CCT6B: variants seen among roughly 807,000 people sequenced by gnomAD.
CCT6B encodes chaperonin containing TCP1 subunit 6B.
CCT6B carries 49 observed loss-of-function variants against 61.5 expected under a neutral mutation model. The ratio of observed to expected loss-of-function variants is 0.80; its 90% CI spans 0.63 to 1.01. CCT6B has a LOEUF of 1.01. Among genes scored for constraint, CCT6B ranks in the 50% least tolerant of loss-of-function variants. CCT6B has a pLI of 0.00. For synonymous variants in CCT6B, 228 were observed against 214.5 expected, an observed-to-expected ratio of 1.06 and a Z score of -0.55; for missense variants, 666 against 634.7, an observed-to-expected ratio of 1.05 and a Z score of -0.53.
At chr17:34,938,970 G>C (rs769969151) in intron 10 of CCT6B, among the ~76,000 whole-genome samples, 1 of 152,090 alleles carries the variant, frequency 6.6e-6, no homozygotes, top group African/African-American at 2.4e-5. Context: ...TGTAATCCCA[G>C]CTACTTGGGA....
chr17:34,948,700 G>A (rs1338850555), intron 5 of CCT6B, among the ~76,000 whole-genome samples: 1 of 144,468 alleles, frequency 6.9e-6, no homozygotes, highest in Non-Finnish European at 1.5e-5. Flanking sequence ...GGTAACAAGA[G>A]TGAAACTCCA....
At position 34,939,337 on chromosome 17, in the gene CCT6B, G is replaced by T. The variant is rs2142148422; in HGVS notation, c.1066-7C>A. The T allele has an allele frequency of 6.2e-7, 1 of 1,603,382 alleles. No individual in the cohort carries two copies. The highest frequency in any genetic ancestry group is 8.5e-7 in the Non-Finnish European group (1 of 1,174,184). On this transcript the variant is annotated splice_polypyrimidine_tract_variant and splice_region_variant and intron_variant, in intron 9 of 13. Transcript: ENST00000314144. ...AAGTGAACTTTTCTTCACCCTAAAG[G>T]GTGGCACAAAAATATATAACTTTAA...
intron 12 of CCT6B, among the ~76,000 whole-genome samples, chr17:34,929,601 C>T (rs1398915736): frequency 6.6e-6 from 1 of 151,324 alleles, no homozygotes; most frequent in African/African-American, 2.4e-5. Flanking sequence ...GCAACCTCCA[C>T]CTCCTGGGTT....
intron 12 of CCT6B, among the ~76,000 whole-genome samples, chr17:34,930,164 C>G (rs2090020106): frequency 6.6e-6 from 1 of 152,164 alleles, no homozygotes; most frequent in Non-Finnish European, 1.5e-5. Context: ...CCCAGCTACT[C>G]CGGAGGCTGA....
intron 10 of CCT6B, among the ~76,000 whole-genome samples, chr17:34,938,951 G>A (rs2090126787): frequency 6.6e-6 from 1 of 152,068 alleles, no homozygotes; most frequent in Non-Finnish European, 1.5e-5. Context: ...AAGTGTGGTG[G>A]TGTGTGCCTG....
intron 3 of CCT6B, among the ~76,000 whole-genome samples, chr17:34,956,263 T>C (rs1375815313): frequency 6.6e-6 from 1 of 152,212 alleles, no homozygotes; most frequent in Non-Finnish European, 1.5e-5. Context: ...ACCATGTTGC[T>C]TGTCTTCTCT....
intron 5 of CCT6B, chr17:34,944,155 C>T (rs2090197930): frequency 6.6e-6 from 1 of 152,204 alleles, no homozygotes; most frequent in Non-Finnish European, 1.5e-5. Flanking sequence ...ATTCCTCACT[C>T]TTCAAGCCTC....
intron 4 of CCT6B, among the ~76,000 whole-genome samples, chr17:34,953,936 A>G (rs1482978616): frequency 6.6e-6 from 1 of 152,186 alleles, no homozygotes; most frequent in African/African-American, 2.4e-5. Context: ...CCTGAGTGAC[A>G]GAGTAAGACT....
Position 34,947,800 on chromosome 17 carries a change from G to A in CCT6B, c.614+4150C>T, listed in dbSNP as rs140380751. On this transcript the variant is annotated intron_variant, in intron 5 of 13. Transcript: ENST00000314144. ...AGTTCAAAACCAGCCTGGCCAACAT[G>A]GTGAAACCACGTCTCTACTAAAATA... Among the ~76,000 whole-genome samples the A allele has an allele frequency of 3.9e-5, 6 of 152,036 alleles. No individual in the cohort carries two copies. The East Asian group carries it at 1.2e-3, about 29-fold the overall frequency.
At chr17:34,928,329 A>T in intron 13 of CCT6B, among the ~76,000 whole-genome samples, 1 of 151,792 alleles carries the variant, frequency 6.6e-6, no homozygotes, top group Admixed American at 6.6e-5. Context: ...CTGAAGTGCA[A>T]TGGCAAGACC....
chr17:34,946,588 T>A (rs1169173549), intron 5 of CCT6B, among the ~76,000 whole-genome samples: 2 of 152,142 alleles, frequency 1.3e-5, no homozygotes, highest in Non-Finnish European at 2.9e-5. Context: ...AATCCATATG[T>A]CTAATAAAAG....
chr17:34,929,716 G>A (rs1463741919), intron 12 of CCT6B, among the ~76,000 whole-genome samples: 1 of 151,788 alleles, frequency 6.6e-6, no homozygotes, highest in African/African-American at 2.4e-5. Flanking sequence ...GTTTCACCAT[G>A]TTGGCCAGGC....
chr17:34,945,517 A>G (rs1233271567), intron 5 of CCT6B, among the ~76,000 whole-genome samples: 1 of 152,170 alleles, frequency 6.6e-6, no homozygotes, highest in Non-Finnish European at 1.5e-5. Context: ...CCTATGTTGA[A>G]CCCTCAACAA....
intron 11 of CCT6B, among the ~76,000 whole-genome samples, chr17:34,931,414 A>G (rs2090034222): frequency 6.6e-6 from 1 of 152,160 alleles, no homozygotes; most frequent in South Asian, 2.1e-4. Flanking sequence ...CGCTAGCCAC[A>G]TGCCCTCCAG....
intron 7 of CCT6B, among the ~76,000 whole-genome samples, 186 bp downstream of exon 7, chr17:34,942,298 T>A (rs1413961178): frequency 1.3e-5 from 2 of 152,142 alleles, no homozygotes. Flanking sequence ...GTTTTACAGA[T>A]TGCTTTTGCA....
At chr17:34,946,953 G>A (rs1187566656) in intron 5 of CCT6B, among the ~76,000 whole-genome samples, 1 of 152,170 alleles carries the variant, frequency 6.6e-6, no homozygotes, top group African/African-American at 2.4e-5. Context: ...TGAGAGTGCT[G>A]ATTACACAGA....
chr17:34,959,829 A>C (rs4796025), intron 1 of CCT6B, among the ~76,000 whole-genome samples, 179 bp from the exon 2 acceptor site: 152,302 of 152,308 alleles, frequency 1, 76,148 homozygotes, highest in Non-Finnish European at 1. Flanking sequence ...AGATGGACAG[A>C]TTATGGAGAT....
At chr17:34,959,686 A>T in intron 1 of CCT6B, 36 bp from the exon 2 acceptor site, 1 of 1,470,838 alleles carries the variant, frequency 6.8e-7, no homozygotes, top group Non-Finnish European at 9.5e-7. Context: ...TTCATGTGGT[A>T]GGAAGACATT....
intron 1 of CCT6B, among the ~76,000 whole-genome samples, chr17:34,960,688 G>A (rs1395795776): frequency 1.3e-5 from 2 of 152,150 alleles, no homozygotes; most frequent in Admixed American, 6.5e-5. Context: ...TCATTACTAT[G>A]AGGATGTGTC....
Sources: allele counts gnomAD v4.1 joint callset (sites outside exome capture counted in the v4.1 genomes callset), GRCh38; gene constraint gnomAD v4.1.1; transcripts MANE v1.5; gene names NCBI Gene and HGNC (gene_info 2026-07-23, HGNC 2026-07-21).